The following MET variants were observed in gnomAD, a reference collection of about 807,000 sequenced individuals.
The protein encoded by MET is MET proto-oncogene, receptor tyrosine kinase, also known as hepatocyte growth factor receptor.
In MET, 48 loss-of-function variants were observed where a neutral mutation model predicts 133.1. The observed-to-expected ratio is 0.36, with a 90% CI of 0.29 to 0.46. MET has a LOEUF of 0.46. Among genes scored for constraint, MET ranks in the 20% least tolerant of loss-of-function variants. MET has a pLI of 1.00. For missense variants in MET, 1,442 were observed against 1,695.9 expected (o/e 0.85, Z 2.63); for synonymous variants, 628 against 616.5 (o/e 1.02, Z -0.28).
intron 2 of MET, chr7:116,724,817 GC>G: frequency 7.8e-7 from 1 of 1,289,202 alleles, no homozygotes; most frequent in South Asian, 1.2e-5. Flanking sequence ...GAGCCAGAGA[GC>G]CTAGGCTTAG....
Position 116,707,179 on chromosome 7 carries a change from G to A in MET, c.1200+6895G>A, listed in dbSNP as rs189500122. Reference sequence around the variant, plus strand: ...TTTCCAGTCTCCCCACAAGAGGAAAGAAAAATGTCTAGCAATTGCATGCTA... The same window carrying A: ...TTTCCAGTCTCCCCACAAGAGGAAAAAAAAATGTCTAGCAATTGCATGCTA... On this transcript the variant is annotated intron_variant, in intron 2 of 20. Coordinates refer to ENST00000397752, the MANE Select transcript of MET (RefSeq NM_000245.4). Among the ~76,000 whole-genome samples the A allele has an allele frequency of 3.4e-3, 522 of 152,052 alleles. 3 individuals carry two copies. The highest frequency in any genetic ancestry group is 0.014 in the Middle Eastern group (4 of 294).
chr7:116,763,634 G>C (rs775286634), intron 11 of MET, among the ~76,000 whole-genome samples: 2 of 152,188 alleles, frequency 1.3e-5, no homozygotes, highest in Non-Finnish European at 2.9e-5. Context: ...GAAAGTAAAT[G>C]CATCAATTGT....
At chr7:116,792,558 C>T (rs1257543439) in intron 19 of MET, among the ~76,000 whole-genome samples, 1 of 151,722 alleles carries the variant, frequency 6.6e-6, no homozygotes, top group Non-Finnish European at 1.5e-5. Context: ...CTTTCACTGT[C>T]CCTCCCCTCA....
At chr7:116,757,863 T>C in intron 8 of MET, 89 bp downstream of exon 8, 2 of 1,411,590 alleles carry the variant, frequency 1.4e-6, no homozygotes, top group South Asian at 2.4e-5. Context: ...TGTGTGTGTG[T>C]GGAGAAGAAA....
chr7:116,717,876 T>C (rs887096404), intron 2 of MET, among the ~76,000 whole-genome samples: 1 of 152,312 alleles, frequency 6.6e-6, no homozygotes, highest in Admixed American at 6.5e-5. Context: ...TATATTGAGA[T>C]ATATAGCACT....
In MET at chr7:116,757,431, T is replaced by C. The variant is rs1168220004; in HGVS notation, c.1863-6T>C. 1.9e-6 allele frequency: 3 copies of C among 1,612,192 alleles called. No homozygotes were observed. In the African/African-American group the frequency reaches 4.0e-5, roughly 22 times the overall value. On this transcript the variant is annotated splice_region_variant and splice_polypyrimidine_tract_variant and intron_variant, in intron 6 of 20. Coordinates refer to ENST00000397752, the MANE Select transcript of MET (RefSeq NM_000245.4). Reference sequence around the variant, plus strand: ...TCATGTATTAAACTTTGGGTTTTTTTTCCAGATTGAAATGCACAGTTGGTC... The same window carrying C: ...TCATGTATTAAACTTTGGGTTTTTTCTCCAGATTGAAATGCACAGTTGGTC...
At position 116,740,969 on chromosome 7, in the gene MET, G is replaced by A. The variant is rs2116836723; in HGVS notation, c.1645G>A (p.Glu549Lys). 3.1e-6 allele frequency: 5 copies of A among 1,614,038 alleles called. No homozygotes were observed. The highest frequency in any genetic ancestry group is 4.2e-6 in the Non-Finnish European group (5 of 1,180,020). ...GWCHDKCVRS[E>K]ECLSGTWTQQ... Reference sequence around the variant, plus strand: ...GTGCCACGACAAATGTGTGCGATCGGAGGAATGCCTGAGCGGGACATGGAC... The same window carrying A: ...GTGCCACGACAAATGTGTGCGATCGAAGGAATGCCTGAGCGGGACATGGAC... The change falls in exon 5 of 21, where the codon GAG becomes AAG. Residue 549 changes from glutamate (E) to lysine (K), a missense_variant. By Grantham distance (56) the Glu-to-Lys change is moderately conservative. Coordinates refer to ENST00000397752, the MANE Select transcript of MET (RefSeq NM_000245.4).
rs1284539964 is a variant in MET, at chr7:116,774,891, T to C, written c.3039T>C (p.Pro1013=). 1 of 1,613,908 alleles carries C rather than the reference T, an allele frequency of 6.2e-7. No homozygotes were observed. The highest frequency in any genetic ancestry group is 8.5e-7 in the Non-Finnish European group (1 of 1,179,900). Residue 1013 remains proline (P), a synonymous_variant, in exon 15 of 21, where the codon CCT becomes CCC. Transcript: ENST00000397752. ...TCCTTCATCTTACAGATCAGTTTCC[T>C]AATTCATCTCAGAACGGTTCATGCC... is the stretch of plus-strand genomic sequence containing the variant. The part of the protein sequence containing the change: ...YRATFPEDQF[P]NSSQNGSCRQ...
At chr7:116,775,595 A>G (rs1047076947) in intron 15 of MET, among the ~76,000 whole-genome samples, 2 of 152,148 alleles carry the variant, frequency 1.3e-5, no homozygotes, top group Non-Finnish European at 2.9e-5. Flanking sequence ...AATCCCAACT[A>G]CTGGGGAGGC....
intron 2 of MET, among the ~76,000 whole-genome samples, chr7:116,716,266 A>G (rs1792187577): frequency 7.7e-6 from 1 of 129,604 alleles, no homozygotes; most frequent in Non-Finnish European, 1.6e-5. Flanking sequence ...AGCAAGCAAG[A>G]GGGAAGGAGG....
chr7:116,699,280 G>T lies in MET; in HGVS notation c.196G>T (p.Ala66Ser), dbSNP rs770341307. 1.7e-5 allele frequency: 28 copies of T among 1,613,996 alleles called. No individual in the cohort carries two copies. The highest frequency in any genetic ancestry group is 2.4e-5 in the Non-Finnish European group (28 of 1,179,948). The change falls in exon 2 of 21, where the codon GCC (alanine) becomes TCC (serine). Residue 66 changes from alanine to serine, a missense_variant. By Grantham distance (99) the Ala-to-Ser change is moderately conservative. Coordinates refer to ENST00000397752, the MANE Select transcript of MET (RefSeq NM_000245.4). ...ILHEHHIFLG[A>S]TNYIYVLNEE... ...ACATGAGCATCACATTTTCCTTGGT[G>T]CCACTAACTACATTTATGTTTTAAA...
chr7:116,774,968 A>G lies in MET; in HGVS notation c.3116A>G (p.Asp1039Gly), dbSNP rs1794949125. 1.2e-6 allele frequency: 2 copies of G among 1,614,058 alleles called. No homozygotes were observed. Among genetic ancestry groups the G allele is most frequent in the Non-Finnish European group, 1.7e-6 (2 of 1,179,986 alleles). The change falls in exon 15 of 21, where the codon GAC becomes GGC. Residue 1039 changes from aspartate to glycine, a missense_variant. Coordinates refer to ENST00000397752, the MANE Select transcript of MET (RefSeq NM_000245.4). Reference sequence around the variant, plus strand: ...ATGTCCCCCATCCTAACTAGTGGGGACTCTGATATATCCAGTCCATTACTG... The same window carrying G: ...ATGTCCCCCATCCTAACTAGTGGGGGCTCTGATATATCCAGTCCATTACTG... ...TDMSPILTSGDSDISSPLLQN... is the reference protein window; with the variant it reads ...TDMSPILTSGGSDISSPLLQN...
chr7:116,675,322 C>G (rs569650197), intron 1 of MET, among the ~76,000 whole-genome samples: 2 of 152,154 alleles, frequency 1.3e-5, no homozygotes, highest in African/African-American at 4.8e-5. Flanking sequence ...GATACACAGA[C>G]AAATATCACA....
chr7:116,793,813 C>T (rs752448982), intron 19 of MET, among the ~76,000 whole-genome samples: 7 of 151,980 alleles, frequency 4.6e-5, no homozygotes, highest in African/African-American at 9.7e-5. Context: ...GCAGGAGAAT[C>T]GCTTGAACCC....
rs576767989 is a variant in MET, at chr7:116,730,079, T to C, written c.1201-1589T>C. Among the ~76,000 whole-genome samples the C allele has an allele frequency of 2.6e-5, 4 of 151,566 alleles. No homozygotes were observed. In the South Asian group the frequency reaches 8.4e-4, roughly 32 times the overall value. ...GCTATGGGTACACAGGTAAATGATA[T>C]TATGAGAATCTACACTAGAAGCATT... On this transcript the variant is annotated intron_variant, in intron 2 of 20. Transcript: ENST00000397752.
Position 116,778,874 on chromosome 7 carries a change from C to G in MET, c.3439C>G (p.Leu1147Val), listed in dbSNP as rs1795070786. 2 of 1,614,040 alleles carry G rather than the reference C, an allele frequency of 1.2e-6. No individual in the cohort carries two copies. Among genetic ancestry groups the G allele is most frequent in the East Asian group, 4.5e-5 (2 of 44,878 alleles). Residue 1147 changes from leucine (L) to valine (V), a missense_variant, in exon 17 of 21, where the codon CTG (leucine) becomes GTG (valine). Around this residue, in one of 6 missense-constraint regions of MET, gnomAD observed 514 missense variants for 659.6 expected, o/e 0.78. Transcript: ENST00000397752. ...TGTCCTCTCGCTCCTGGGAATCTGC[C>G]TGCGAAGTGAAGGGTCTCCGCTGGT... Reference protein sequence around the residue: ...PNVLSLLGICLRSEGSPLVVL... With the variant: ...PNVLSLLGICVRSEGSPLVVL...
At chr7:116,724,446 G>C (rs1271223115) in intron 2 of MET, among the ~76,000 whole-genome samples, 1 of 152,192 alleles carries the variant, frequency 6.6e-6, no homozygotes, top group Non-Finnish European at 1.5e-5. Context: ...GCTCACGCTG[G>C]GAGCTGTAGA....
At chr7:116,683,523 A>G (rs909419666) in intron 1 of MET, among the ~76,000 whole-genome samples, 4 of 152,196 alleles carry the variant, frequency 2.6e-5, no homozygotes, top group African/African-American at 7.2e-5. Flanking sequence ...TGAATACACA[A>G]TTTCCTTAAG....
At chr7:116,754,920 A>G (rs1794080957) in intron 5 of MET, among the ~76,000 whole-genome samples, 1 of 147,608 alleles carries the variant, frequency 6.8e-6, no homozygotes, top group African/African-American at 2.5e-5. Flanking sequence ...AGAAAGAAAG[A>G]AAGAAAGAAA....
Sources: allele counts gnomAD v4.1 joint callset (sites outside exome capture counted in the v4.1 genomes callset), GRCh38; gene constraint gnomAD v4.1.1; regional missense constraint gnomAD v4.1.1; transcripts MANE v1.5; gene names NCBI Gene and HGNC (gene_info 2026-07-23, HGNC 2026-07-21).